Variants in CRADD observed in about 807,000 individuals in gnomAD.
CRADD encodes the protein death domain-containing protein CRADD.
Under a neutral mutation model 15.5 loss-of-function variants are expected in CRADD, and 9 were observed. The observed-to-expected ratio is 0.58, with a 90% CI of 0.35 to 1.01. The LOEUF is 1.01. Among genes scored for constraint, CRADD ranks in the 50% least tolerant of loss-of-function variants. CRADD has a pLI of 0.02. For synonymous variants in CRADD, 118 were observed against 107.6 expected (o/e 1.10, Z -0.60); for missense variants, 227 against 250.3 (o/e 0.91, Z 0.63).
intron 2 of CRADD, among the ~76,000 whole-genome samples, chr12:93,818,673 A>G (rs1223749857): frequency 6.6e-6 from 1 of 152,208 alleles, no homozygotes; most frequent in Non-Finnish European, 1.5e-5. Context: ...ACCCAGTGAC[A>G]ACAGAAAGGA....
At chr12:93,838,445 G>A (rs932865039) in intron 2 of CRADD, among the ~76,000 whole-genome samples, 3 of 151,786 alleles carry the variant, frequency 2.0e-5, no homozygotes, top group African/African-American at 7.3e-5. Flanking sequence ...GAAACTGGAT[G>A]TTGTCAGCCC....
intron 2 of CRADD, among the ~76,000 whole-genome samples, chr12:93,788,036 G>A (rs951302597): frequency 2.0e-5 from 3 of 152,146 alleles, no homozygotes; most frequent in African/African-American, 7.2e-5. Context: ...TTTGAAATAT[G>A]GCTCATCTCA....
chr12:93,791,097 GA>G (rs1219019296), intron 2 of CRADD, among the ~76,000 whole-genome samples: 1 of 151,978 alleles, frequency 6.6e-6, no homozygotes, highest in Non-Finnish European at 1.5e-5. Context: ...AACCATTATG[GA>G]AAACAGTATG....
At chr12:93,790,939 A>ACACACACACACC in intron 2 of CRADD, among the ~76,000 whole-genome samples, 1 of 150,232 alleles carries the variant, frequency 6.7e-6, no homozygotes, top group African/African-American at 2.5e-5. Context: ...ACACACACAC[A>ACACACACACACC]CTCTTGATAG....
At chr12:93,817,471 A>AG (rs1957718026) in intron 2 of CRADD, among the ~76,000 whole-genome samples, 1 of 152,198 alleles carries the variant, frequency 6.6e-6, no homozygotes, top group South Asian at 2.1e-4. Context: ...CAGAGGCAAC[A>AG]GAGGTTAAGC....
chr12:93,886,871 G>C (rs1373689713), intron 2 of CRADD, among the ~76,000 whole-genome samples: 2 of 152,128 alleles, frequency 1.3e-5, no homozygotes, highest in East Asian at 3.9e-4. Flanking sequence ...ATGGTCATGG[G>C]CATAATTAAT....
intron 1 of CRADD, 68 bp from the exon 2 acceptor site, chr12:93,678,701 C>T (rs1955212718): frequency 1.3e-6 from 2 of 1,512,746 alleles, no homozygotes; most frequent in Non-Finnish European, 1.8e-6. Context: ...ACTTACATTG[C>T]AGTGACACTG....
chr12:93,849,880 G>A (rs1396185467), intron 2 of CRADD, 90 bp from the exon 3 acceptor site: 8 of 800,616 alleles, frequency 1.0e-5, no homozygotes, highest in African/African-American at 1.7e-5. Context: ...TGGAAGCATT[G>A]CCTTCTTCTC....
chr12:93,829,194 G>A (rs1360759213), intron 2 of CRADD, among the ~76,000 whole-genome samples: 1 of 151,354 alleles, frequency 6.6e-6, no homozygotes, highest in Non-Finnish European at 1.5e-5. Context: ...TTTTACCCCT[G>A]GGAAAAGACC....
intron 2 of CRADD, chr12:93,831,221 G>C (rs1435216030): frequency 6.5e-6 from 1 of 153,858 alleles, no homozygotes; most frequent in Non-Finnish European, 1.4e-5. Flanking sequence ...TGACCTCCTG[G>C]GAGCAGGGTC....
intron 2 of CRADD, among the ~76,000 whole-genome samples, chr12:93,891,763 A>C (rs1209932620): frequency 1.3e-5 from 2 of 152,166 alleles, no homozygotes; most frequent in Admixed American, 6.5e-5. Flanking sequence ...GTCATAGCTG[A>C]GCTGAGACTT....
chr12:93,694,133 A>C (rs897123001), intron 2 of CRADD, among the ~76,000 whole-genome samples: 1 of 152,088 alleles, frequency 6.6e-6, no homozygotes, highest in East Asian at 1.9e-4. Flanking sequence ...AGAATCATTC[A>C]CTGTGATCAA....
chr12:93,770,627 G>A (rs912631904), intron 2 of CRADD, among the ~76,000 whole-genome samples: 2 of 152,144 alleles, frequency 1.3e-5, no homozygotes, highest in Admixed American at 6.5e-5. Context: ...ATATGAATGG[G>A]TCCAGCTGTG....
intron 2 of CRADD, among the ~76,000 whole-genome samples, chr12:93,871,981 C>G (rs931647758): frequency 1.3e-5 from 2 of 152,126 alleles, no homozygotes; most frequent in Non-Finnish European, 2.9e-5. Flanking sequence ...TTTGAGGAAC[C>G]TCCAAACTAT....
chr12:93,762,972 T>G (rs908502414), intron 2 of CRADD, among the ~76,000 whole-genome samples: 1 of 152,182 alleles, frequency 6.6e-6, no homozygotes, highest in Non-Finnish European at 1.5e-5. Flanking sequence ...GCCTTCTCAT[T>G]GATTGGAGTA....
At chr12:93,868,783 A>T (rs1418814543) in intron 2 of CRADD, among the ~76,000 whole-genome samples, 1 of 152,102 alleles carries the variant, frequency 6.6e-6, no homozygotes. Context: ...TCACCTGCAG[A>T]CATCCACCAC....
intron 2 of CRADD, among the ~76,000 whole-genome samples, chr12:93,861,641 G>A (rs557379737): frequency 3.3e-4 from 51 of 152,266 alleles, no homozygotes; most frequent in African/African-American, 1.2e-3. Context: ...CAAGGAGTCC[G>A]CTCAGGCCTT....
intron 2 of CRADD, among the ~76,000 whole-genome samples, chr12:93,706,649 G>T (rs1269522359): frequency 6.6e-6 from 1 of 152,158 alleles, no homozygotes; most frequent in African/African-American, 2.4e-5. Context: ...GGGTAAAACT[G>T]CCTACTCATT....
In CRADD at chr12:93,722,554, G is replaced by A. The variant is rs776061811; in HGVS notation, c.298+43482G>A. ...TTTCTTCTCTTTGCTTATCAGTTTTGGAGGTTTCTATTGATACATTCTTAA... is the reference window on the plus strand; with the variant it reads ...TTTCTTCTCTTTGCTTATCAGTTTTAGAGGTTTCTATTGATACATTCTTAA... On this transcript the variant is annotated intron_variant, in intron 2 of 2. Coordinates refer to ENST00000332896, the MANE Select transcript of CRADD (RefSeq NM_003805.5). 1.3e-4 allele frequency among the ~76,000 whole-genome samples: 19 copies of A among 151,912 alleles called. No individual in the cohort carries two copies. In the Middle Eastern group the frequency reaches 0.017, roughly 136 times the overall value.
Sources: gnomAD v4.1 joint callset for allele counts (sites outside exome capture counted in the v4.1 genomes callset) on GRCh38, gnomAD v4.1.1 for gene constraint, MANE v1.5 for transcripts, NCBI Gene and HGNC (gene_info 2026-07-23, HGNC 2026-07-21) for gene names.